ZSCAN25: variants seen among roughly 807,000 people sequenced by gnomAD.
ZSCAN25 encodes the protein zinc finger and SCAN domain-containing protein 25.
Under a neutral mutation model 38.7 loss-of-function variants are expected in ZSCAN25, and 27 were observed. That is an observed-to-expected ratio of 0.70 (90% confidence interval 0.51 to 0.96). The LOEUF (loss-of-function observed/expected upper bound fraction) is 0.96. Among genes scored for constraint, ZSCAN25 ranks in the 40% least tolerant of loss-of-function variants. The probability of loss-of-function intolerance (pLI) is 0.00; values close to 1 mark genes in which losing one functional copy is unlikely to be tolerated. For missense variants in ZSCAN25, 637 were observed against 705.9 expected, an observed-to-expected ratio of 0.90 and a Z score of 1.11; for synonymous variants, 273 against 277.7, an observed-to-expected ratio of 0.98 and a Z score of 0.17.
chr7:99,715,175 G>A, the ZSCAN25 span, among the ~76,000 whole-genome samples: 1 of 152,212 alleles, frequency 6.6e-6, no homozygotes, highest in East Asian at 1.9e-4. Context: ...ATAAGTTGAA[G>A]TAGAAATTAA....
At chr7:99,720,313 C>G in the ZSCAN25 span, 1 of 1,612,304 alleles carries the variant, frequency 6.2e-7, no homozygotes, top group East Asian at 2.2e-5. Flanking sequence ...GGATGCTTAC[C>G]CTCCGGTTTG....
In ZSCAN25 at chr7:99,624,120, C is replaced by G; in HGVS notation, c.745C>G (p.Pro249Ala). ...TGAGGAGGAGTGGAGGCATGTGACCCCAGCCCAGATAGACTGCTTTGGGGA... is the reference window on the plus strand; with the variant it reads ...TGAGGAGGAGTGGAGGCATGTGACCGCAGCCCAGATAGACTGCTTTGGGGA... ...FPEEEWRHVT[P>A]AQIDCFGEYV... Residue 249 changes from proline to alanine, a missense_variant, in exon 7 of 8, where the codon CCA becomes GCA. By Grantham distance (27) the Pro-to-Ala change is conservative. Coordinates refer to ENST00000394152, the MANE Select transcript of ZSCAN25 (RefSeq NM_145115.3). 1 of 1,614,084 alleles carries G rather than the reference C, an allele frequency of 6.2e-7. No individual in the cohort carries two copies.
Position 99,629,085 on chromosome 7 carries a change from A to T in ZSCAN25, c.806-106A>T. 1.4e-6 allele frequency: 2 copies of T among 1,465,600 alleles called. No individual in the cohort carries two copies. Among genetic ancestry groups the T allele is most frequent in the South Asian group, 1.4e-5 (1 of 69,244 alleles). 90.8% of individuals were successfully genotyped at this position (1,465,600 alleles called of 1,614,324 possible). A position where few individuals can be genotyped will look rare whatever the true frequency, so the allele number is the denominator to read the frequency against. The stretch of plus-strand genomic sequence containing the variant: ...CTGAGTTGAGGTTGTTGGTCAAAGG[A>T]AAAAAGAGAAGGAACCATGAATGGG... On this transcript the variant is annotated intron_variant, in intron 7 of 7. Coordinates refer to ENST00000394152, the MANE Select transcript of ZSCAN25 (RefSeq NM_145115.3). This position sits in a 1 kb window ranked among gnomAD's most constrained non-coding sequence, Gnocchi z 5.6.
At chr7:99,717,163 G>A in the ZSCAN25 span, 17 of 1,613,776 alleles carry the variant, frequency 1.1e-5, no homozygotes, top group Non-Finnish European at 1.4e-5. Context: ...CCCCATGGCT[G>A]TGCTCCTACT....
chr7:99,632,349 TATAA>T lies in ZSCAN25; in HGVS notation c.*2336_*2339del, dbSNP rs1808070875. 1.5e-6 allele frequency: 1 copy of T among 666,440 alleles called. No homozygotes were observed. Among genetic ancestry groups the T allele is most frequent in the Admixed American group, 6.3e-5 (1 of 15,852 alleles). The allele number at this position is 666,440 out of a possible 1,614,324, so 41.3% of individuals were successfully genotyped here. ...TTTATAATAGATAATTTCAAACCTA[TATAA>T]ATAAATCCTTATGTATTTATCATTT... On this transcript the variant is annotated 3_prime_UTR_variant, in exon 8 of 8. Coordinates refer to ENST00000394152, the MANE Select transcript of ZSCAN25 (RefSeq NM_145115.3).
At chr7:99,682,872 G>A in the ZSCAN25 span, among the ~76,000 whole-genome samples, 1 of 151,874 alleles carries the variant, frequency 6.6e-6, no homozygotes, top group Non-Finnish European at 1.5e-5. Context: ...GTTTTATTTG[G>A]GGTTATTGTA....
At chr7:99,660,555 G>C in the ZSCAN25 span, 1 of 1,613,912 alleles carries the variant, frequency 6.2e-7, no homozygotes, top group Non-Finnish European at 8.5e-7. Context: ...ACATCAGGGT[G>C]AGTGGCCAGT....
chr7:99,719,338 G>A, the ZSCAN25 span, among the ~76,000 whole-genome samples: 1 of 152,186 alleles, frequency 6.6e-6, no homozygotes, highest in East Asian at 1.9e-4. Context: ...GCAAATGAAA[G>A]ATGCAAAGAA....
At chr7:99,701,487 G>T in the ZSCAN25 span, among the ~76,000 whole-genome samples, 2 of 152,180 alleles carry the variant, frequency 1.3e-5, no homozygotes, top group Non-Finnish European at 1.5e-5. Flanking sequence ...GGGATTTCTG[G>T]ATCTTATGAT....
the ZSCAN25 span, chr7:99,638,178 C>T: frequency 1.8e-5 from 25 of 1,364,024 alleles, no homozygotes; most frequent in East Asian, 1.0e-4. Context: ...GAGATGGTGG[C>T]GATAATCCTG....
rs758135798 is a variant in ZSCAN25, at chr7:99,621,464, A to G, written c.479A>G (p.Lys160Arg). Reference sequence around the variant, plus strand: ...ATCCAGCTGGGGCCAGTGGAGGTCAAGCCTGAATGGGGGATGCCCCCTGGG... The same window carrying G: ...ATCCAGCTGGGGCCAGTGGAGGTCAGGCCTGAATGGGGGATGCCCCCTGGG... The part of the protein sequence containing the change: ...PGIQLGPVEV[K>R]PEWGMPPGEG... Residue 160 changes from lysine (K) to arginine (R), a missense_variant, in exon 5 of 8, where the codon AAG becomes AGG. Physicochemically the swap from Lys to Arg is conservative, Grantham distance 26 (BLOSUM62 2). Transcript: ENST00000394152. 11 of 1,573,930 alleles carry G rather than the reference A, an allele frequency of 7.0e-6. No individual in the cohort carries two copies. The highest frequency in any genetic ancestry group is 1.4e-5 in the African/African-American group (1 of 73,970).
the ZSCAN25 span, among the ~76,000 whole-genome samples, chr7:99,695,261 A>G: frequency 3.2e-3 from 486 of 152,342 alleles, 1 homozygote; most frequent in African/African-American, 0.011. Context: ...AATGGTAAAT[A>G]CTTGAGCTCC....
rs1413306515 is a variant in ZSCAN25 at position 99,630,593 on chromosome 7, C to T, written c.*573C>T. On this transcript the variant is annotated 3_prime_UTR_variant, in exon 8 of 8. Coordinates refer to ENST00000394152, the MANE Select transcript of ZSCAN25 (RefSeq NM_145115.3). ...TTCTCAGGGTATCTGTGCTGTGTGC[C>T]CGTGAGAACATCTTCCCATGACCAC... The T allele has an allele frequency of 1.0e-6, 1 of 986,392 alleles. No individual in the cohort carries two copies. The highest frequency in any genetic ancestry group is 1.2e-6 in the Non-Finnish European group (1 of 830,854). The allele number at this position is 986,392 out of a possible 1,614,324, so 61.1% of individuals were successfully genotyped here.
chr7:99,687,954 T>A, the ZSCAN25 span, among the ~76,000 whole-genome samples: 6 of 152,146 alleles, frequency 3.9e-5, no homozygotes, highest in Non-Finnish European at 8.8e-5. Context: ...TAAAATCCTT[T>A]ACAGACAAGC....
intron 1 of ZSCAN25, among the ~76,000 whole-genome samples, chr7:99,617,554 C>T (rs1806578132): frequency 1.3e-5 from 2 of 152,010 alleles, no homozygotes; most frequent in Admixed American, 1.3e-4. Flanking sequence ...GCACTCCAGC[C>T]TGGGCAACAT....
At chr7:99,711,479 A>T in the ZSCAN25 span, among the ~76,000 whole-genome samples, 2 of 152,154 alleles carry the variant, frequency 1.3e-5, no homozygotes, top group African/African-American at 2.4e-5. Flanking sequence ...CCTTATTAGA[A>T]ATGCAAAGGC....
chr7:99,664,180 T>G, the ZSCAN25 span: 1 of 1,106,580 alleles, frequency 9.0e-7, no homozygotes, highest in Non-Finnish European at 1.3e-6. Context: ...CTACCAGTAA[T>G]AAGAATAAGA....
chr7:99,676,581 G>T, the ZSCAN25 span: 5 of 1,350,888 alleles, frequency 3.7e-6, no homozygotes, highest in Non-Finnish European at 3.9e-6. Context: ...CTCATCCTAG[G>T]TAGAAAGAGT....
the ZSCAN25 span, chr7:99,717,650 AAGC>A: frequency 6.2e-7 from 1 of 1,613,180 alleles, no homozygotes. Context: ...CTAGAGTTCA[AAGC>A]AGAAAGATTT....
Sources: allele counts gnomAD v4.1 joint callset (sites outside exome capture counted in the v4.1 genomes callset), GRCh38; gene constraint gnomAD v4.1.1; non-coding constraint Gnocchi (gnomAD v3.1); transcripts MANE v1.5; gene names NCBI Gene and HGNC (gene_info 2026-07-23, HGNC 2026-07-21).